GPR158: variants seen among roughly 807,000 people sequenced by gnomAD.
The protein encoded by GPR158 is metabotropic glycine receptor.
Under a neutral mutation model 78.2 loss-of-function variants are expected in GPR158, and 30 were observed. The observed-to-expected ratio is 0.38, with a 90% CI of 0.29 to 0.52. The LOEUF (loss-of-function observed/expected upper bound fraction) is 0.52. GPR158 is among the 20% of genes least tolerant of loss of function. GPR158 has a pLI of 0.83. For missense variants in GPR158, 1,463 were observed against 1,523.5 expected, an observed-to-expected ratio of 0.96 and a Z score of 0.66; for synonymous variants, 581 against 591.1, an observed-to-expected ratio of 0.98 and a Z score of 0.25.
chr10:25,308,151 A>ATTATT (rs892954586), intron 2 of GPR158, among the ~76,000 whole-genome samples: 3 of 152,058 alleles, frequency 2.0e-5, no homozygotes, highest in African/African-American at 7.2e-5. Context: ...TTTTTATTTT[A>ATTATT]TTATTTTATT....
intron 2 of GPR158, among the ~76,000 whole-genome samples, chr10:25,301,646 A>C (rs1212099524): frequency 9.9e-6 from 1 of 100,938 alleles, no homozygotes; most frequent in Non-Finnish European, 1.8e-5. Context: ...CTGATTTTCA[A>C]AAAAAAAGAA....
intron 1 of GPR158, among the ~76,000 whole-genome samples, chr10:25,216,202 A>G (rs1853211070): frequency 6.6e-6 from 1 of 152,216 alleles, no homozygotes; most frequent in South Asian, 2.1e-4. Context: ...CTATTGTTAG[A>G]AGTGAATGAC....
chr10:25,539,049 C>T lies in GPR158; in HGVS notation c.1405-11927C>T, dbSNP rs551482561. Among the ~76,000 whole-genome samples the T allele has an allele frequency of 2.4e-4, 36 of 152,224 alleles. 1 individual carries two copies. In the South Asian group the frequency reaches 5.4e-3, roughly 23 times the overall value. ...CTTTCCATTGTGTGCCCTCCCAGCA[C>T]GCTGGTTTTCTGCATCTTGCTGTGC... On this transcript the variant is annotated intron_variant, in intron 5 of 10. Coordinates refer to ENST00000376351, the MANE Select transcript of GPR158 (RefSeq NM_020752.3).
intron 2 of GPR158, among the ~76,000 whole-genome samples, chr10:25,388,098 G>T (rs2130516634): frequency 6.6e-6 from 1 of 152,358 alleles, no homozygotes; most frequent in African/African-American, 2.4e-5. Flanking sequence ...ACCTGGATTT[G>T]ATTGTGAGTT....
At chr10:25,516,914 A>G (rs1200078297) in intron 5 of GPR158, among the ~76,000 whole-genome samples, 18 of 144,192 alleles carry the variant, frequency 1.2e-4, no homozygotes, top group African/African-American at 3.5e-4. Flanking sequence ...GAAGAAAGTC[A>G]TTGGTAGCTT....
intron 2 of GPR158, among the ~76,000 whole-genome samples, chr10:25,282,051 A>G (rs574282241): frequency 2.0e-5 from 3 of 152,286 alleles, no homozygotes; most frequent in South Asian, 2.1e-4. Flanking sequence ...AGATTTGAGT[A>G]TTTATCCATC....
intron 2 of GPR158, among the ~76,000 whole-genome samples, chr10:25,372,019 A>G (rs1333878949): frequency 6.6e-6 from 1 of 151,370 alleles, no homozygotes; most frequent in Non-Finnish European, 1.5e-5. Context: ...AGACAAAAAC[A>G]AACAACCCCG....
intron 2 of GPR158, among the ~76,000 whole-genome samples, chr10:25,382,453 A>C (rs1754253): frequency 0.62 from 94,454 of 152,044 alleles, 30,913 homozygotes; most frequent in Non-Finnish European, 0.75. Flanking sequence ...CGATGTCATA[A>C]AATAAAACAT....
intron 5 of GPR158, among the ~76,000 whole-genome samples, chr10:25,509,505 T>C (rs866876718): frequency 6.6e-6 from 1 of 152,182 alleles, no homozygotes; most frequent in African/African-American, 2.4e-5. Context: ...ATGACATTTT[T>C]CTGAAGGTTT....
In GPR158 at chr10:25,334,107, C is replaced by T. The variant is rs551743984; in HGVS notation, c.1009-61804C>T. 2.0e-5 allele frequency among the ~76,000 whole-genome samples: 3 copies of T among 151,944 alleles called. No homozygotes were observed. The South Asian group carries it at 6.2e-4, about 32-fold the overall frequency. On this transcript the variant is annotated intron_variant, in intron 2 of 10. Transcript: ENST00000376351. ...AGGAGAGTGATATCCTACTAGAAAT[C>T]AAAGAGAATATTTTATGTATAAAAA...
At chr10:25,185,853 G>A (rs978242780) in intron 1 of GPR158, among the ~76,000 whole-genome samples, 13 of 151,426 alleles carry the variant, frequency 8.6e-5, no homozygotes, top group Non-Finnish European at 1.5e-4. Context: ...TTTCTGTCTC[G>A]TCAGCTCTGC....
At chr10:25,322,837 C>T (rs937675527) in intron 2 of GPR158, among the ~76,000 whole-genome samples, 1 of 151,494 alleles carries the variant, frequency 6.6e-6, no homozygotes, top group African/African-American at 2.4e-5. Context: ...TTGAAATTGG[C>T]AAGTCTTTTT....
At chr10:25,542,972 C>G (rs1358015510) in intron 5 of GPR158, among the ~76,000 whole-genome samples, 4 of 151,968 alleles carry the variant, frequency 2.6e-5, no homozygotes, top group Non-Finnish European at 5.9e-5. Flanking sequence ...AACATGCTAA[C>G]AAAATCACAT....
chr10:25,392,940 A>G (rs577889523), intron 2 of GPR158, among the ~76,000 whole-genome samples: 1 of 152,272 alleles, frequency 6.6e-6, no homozygotes, highest in African/African-American at 2.4e-5. Flanking sequence ...CAGCAGGATG[A>G]TCTGCTTTTA....
At chr10:25,414,748 G>A (rs535025022) in intron 4 of GPR158, among the ~76,000 whole-genome samples, 10 of 152,112 alleles carry the variant, frequency 6.6e-5, no homozygotes, top group South Asian at 4.1e-4. Flanking sequence ...CATTTCTTTC[G>A]GAGTTTCCTA....
At chr10:25,571,766 G>T (rs1837012296) in intron 6 of GPR158, among the ~76,000 whole-genome samples, 1 of 152,084 alleles carries the variant, frequency 6.6e-6, no homozygotes, top group African/African-American at 2.4e-5. Flanking sequence ...ACAGTGCTTA[G>T]ATATCATCTA....
Position 25,572,963 on chromosome 10 carries a change from G to T in GPR158, c.1753+76G>T, listed in dbSNP as rs1038774286. The T allele has an allele frequency of 4.5e-6, 4 of 881,380 alleles. No homozygotes were observed. The Admixed American group carries it at 5.2e-5, about 11-fold the overall frequency. The allele number at this position is 881,380 out of a possible 1,614,324, so 54.6% of individuals were successfully genotyped here. On this transcript the variant is annotated intron_variant, in intron 7 of 10. Transcript: ENST00000376351. ...TACAACTGACTTCTTTAAAAGTCTT[G>T]CCAGACTCTTTAGTAAAGCCTAAAC...
At chr10:25,588,647 T>C (rs1271159566) in intron 7 of GPR158, among the ~76,000 whole-genome samples, 2 of 152,224 alleles carry the variant, frequency 1.3e-5, no homozygotes, top group African/African-American at 2.4e-5. Context: ...TTGGTAACTT[T>C]ATTGTGACCT....
intron 4 of GPR158, among the ~76,000 whole-genome samples, chr10:25,433,148 C>G (rs1380919572): frequency 6.6e-6 from 1 of 152,184 alleles, no homozygotes; most frequent in African/African-American, 2.4e-5. Flanking sequence ...GATTTATACT[C>G]AGGTCTGTTT....
Sources: gnomAD v4.1 joint callset for allele counts (sites outside exome capture counted in the v4.1 genomes callset) on GRCh38, gnomAD v4.1.1 for gene constraint, MANE v1.5 for transcripts, NCBI Gene and HGNC (gene_info 2026-07-23, HGNC 2026-07-21) for gene names.